The following ZSCAN25 variants were observed in gnomAD, a reference collection of about 807,000 sequenced individuals.
ZSCAN25 encodes zinc finger and SCAN domain containing 25.
In ZSCAN25, 27 loss-of-function variants were observed where a neutral mutation model predicts 38.7. That is an observed-to-expected ratio of 0.70 (90% CI 0.51 to 0.96). The LOEUF is 0.96. ZSCAN25 is among the 40% of genes least tolerant of loss of function. The pLI is 0.00. For synonymous variants in ZSCAN25, 273 were observed against 277.7 expected (o/e 0.98, Z 0.17); for missense variants, 637 against 705.9 (o/e 0.90, Z 1.11).
chr7:99,685,399 A>G, the ZSCAN25 span, among the ~76,000 whole-genome samples: 3 of 152,256 alleles, frequency 2.0e-5, no homozygotes, highest in African/African-American at 7.2e-5. Context: ...AGATGTTCCA[A>G]GGAAAATATG....
At chr7:99,667,031 A>G in the ZSCAN25 span, 3 of 1,614,022 alleles carry the variant, frequency 1.9e-6, no homozygotes, top group African/African-American at 1.3e-5. Context: ...AGCTAAAGAG[A>G]TGGCACTTTT....
the ZSCAN25 span, among the ~76,000 whole-genome samples, chr7:99,695,519 C>T: frequency 2.0e-5 from 3 of 152,082 alleles, no homozygotes; most frequent in South Asian, 2.1e-4. Flanking sequence ...ATCAGGTTGC[C>T]GATATACCTG....
At chr7:99,703,649 C>A in the ZSCAN25 span, among the ~76,000 whole-genome samples, 1,836 of 152,198 alleles carry the variant, frequency 0.012, 34 homozygotes, top group African/African-American at 0.042. Flanking sequence ...TTTCTGAATC[C>A]ATGACTCCGT....
At chr7:99,647,435 C>T in the ZSCAN25 span, 1 of 918,304 alleles carries the variant, frequency 1.1e-6, no homozygotes, top group South Asian at 5.0e-5. Flanking sequence ...AGACATGCTG[C>T]CCAATCAACT....
At chr7:99,645,492 A>G in the ZSCAN25 span, among the ~76,000 whole-genome samples, 1 of 152,204 alleles carries the variant, frequency 6.6e-6, no homozygotes, top group Admixed American at 6.5e-5. Flanking sequence ...TGCTGGGCCA[A>G]ATGGTATTTC....
chr7:99,731,024 A>G, the ZSCAN25 span: 2 of 1,611,588 alleles, frequency 1.2e-6, no homozygotes, highest in Non-Finnish European at 1.7e-6. Context: ...CTTTGCAATC[A>G]TAAGAAGCAA....
chr7:99,693,934 C>G, the ZSCAN25 span, among the ~76,000 whole-genome samples: 1 of 152,138 alleles, frequency 6.6e-6, no homozygotes, highest in Admixed American at 6.6e-5. Flanking sequence ...ATCAGACTTG[C>G]TGGCAGTTAG....
At chr7:99,731,224 C>T in the ZSCAN25 span, 1 of 1,560,610 alleles carries the variant, frequency 6.4e-7, no homozygotes, top group South Asian at 1.1e-5. Context: ...GAGTCACTGA[C>T]TGAGGAACTG....
At chr7:99,695,701 C>G in the ZSCAN25 span, 7 of 1,529,942 alleles carry the variant, frequency 4.6e-6, no homozygotes, top group African/African-American at 2.8e-5. Flanking sequence ...CTAAGCTGCT[C>G]TCTCCAATCA....
the ZSCAN25 span, among the ~76,000 whole-genome samples, chr7:99,720,001 A>C: frequency 1.3e-4 from 20 of 151,590 alleles, no homozygotes; most frequent in African/African-American, 4.9e-4. Flanking sequence ...AGTCCGAAAA[A>C]CAAACAACAA....
At chr7:99,666,495 T>C in the ZSCAN25 span, 1 of 1,250,440 alleles carries the variant, frequency 8.0e-7, no homozygotes, top group Non-Finnish European at 1.2e-6. Context: ...CTGCCCTGCT[T>C]TTGTCTGGTC....
chr7:99,620,565 A>G (rs1806867407), intron 4 of ZSCAN25: 3 of 152,900 alleles, frequency 2.0e-5, no homozygotes, highest in Admixed American at 6.5e-5. Context: ...GACTGATGAC[A>G]CCGTCTTGCT....
the ZSCAN25 span, among the ~76,000 whole-genome samples, chr7:99,714,367 T>G: frequency 2.0e-5 from 3 of 152,170 alleles, no homozygotes; most frequent in East Asian, 3.8e-4. Context: ...TCTGACTCAT[T>G]CTCATATCTC....
At chr7:99,645,498 A>G in the ZSCAN25 span, among the ~76,000 whole-genome samples, 2 of 151,988 alleles carry the variant, frequency 1.3e-5, no homozygotes, top group African/African-American at 2.4e-5. Context: ...GCCAAATGGT[A>G]TTTCTGTCTT....
the ZSCAN25 span, among the ~76,000 whole-genome samples, chr7:99,735,448 A>T: frequency 6.6e-6 from 1 of 152,194 alleles, no homozygotes; most frequent in Non-Finnish European, 1.5e-5. Context: ...ACTCAAGTGG[A>T]GCCATTGGCA....
chr7:99,686,032 A>C, the ZSCAN25 span, among the ~76,000 whole-genome samples: 3 of 152,196 alleles, frequency 2.0e-5, no homozygotes, highest in East Asian at 5.8e-4. Context: ...GGGTGGAGCC[A>C]AGATGGCCGA....
the ZSCAN25 span, among the ~76,000 whole-genome samples, chr7:99,711,402 C>T: frequency 0.013 from 1,918 of 152,206 alleles, 26 homozygotes; most frequent in Admixed American, 0.018. Context: ...ACTTAAGAGA[C>T]CAATATTGGA....
the ZSCAN25 span, among the ~76,000 whole-genome samples, chr7:99,723,599 G>T: frequency 6.6e-6 from 1 of 152,138 alleles, no homozygotes; most frequent in African/African-American, 2.4e-5. Context: ...ACCTGGGACA[G>T]GGGGACTCCT....
At chr7:99,687,032 T>C in the ZSCAN25 span, among the ~76,000 whole-genome samples, 1 of 151,904 alleles carries the variant, frequency 6.6e-6, no homozygotes. Context: ...TACATCACCA[T>C]CATCAAAGAC....
Sources: allele counts gnomAD v4.1 joint callset (sites outside exome capture counted in the v4.1 genomes callset), GRCh38; gene constraint gnomAD v4.1.1; transcripts MANE v1.5; gene names NCBI Gene and HGNC (gene_info 2026-07-23, HGNC 2026-07-21).